Variants in SHISA9 observed in about 807,000 individuals in gnomAD.
The protein encoded by SHISA9 is protein shisa-9.
In SHISA9, 13 loss-of-function variants were observed where a neutral mutation model predicts 38.0. The observed-to-expected ratio is 0.34, with a 90% confidence interval of 0.22 to 0.54. The LOEUF (loss-of-function observed/expected upper bound fraction) is 0.54, where lower values mean the gene tolerates loss of function less well. SHISA9 is among the 20% of genes least tolerant of loss of function. The pLI is 0.91. For synonymous variants in SHISA9, 275 were observed against 242.0 expected (o/e 1.14, Z -1.27); for missense variants, 538 against 575.8 (o/e 0.93, Z 0.67).
the SHISA9 span, among the ~76,000 whole-genome samples, chr16:13,290,721 A>G: frequency 6.6e-6 from 1 of 152,070 alleles, no homozygotes; most frequent in African/African-American, 2.4e-5. Context: ...TTGGGCTCCT[A>G]CTGTGATAAA....
chr16:13,537,977 A>C, the SHISA9 span, among the ~76,000 whole-genome samples: 18 of 152,318 alleles, frequency 1.2e-4, no homozygotes, highest in Admixed American at 6.5e-4. Context: ...TTTTGTATTT[A>C]ATTTTGATGA....
At chr16:13,343,175 G>A in the SHISA9 span, among the ~76,000 whole-genome samples, 1 of 152,118 alleles carries the variant, frequency 6.6e-6, no homozygotes, top group Non-Finnish European at 1.5e-5. Context: ...AGTCAATAGA[G>A]AAACTGGAAA....
chr16:13,249,539 C>T, the SHISA9 span, among the ~76,000 whole-genome samples: 27 of 152,284 alleles, frequency 1.8e-4, no homozygotes, highest in Middle Eastern at 0.01. Context: ...ATGAATCAGG[C>T]ACAGGTCCTG....
the SHISA9 span, among the ~76,000 whole-genome samples, chr16:13,354,060 G>C: frequency 2.0e-5 from 3 of 147,674 alleles, no homozygotes; most frequent in Admixed American, 2.0e-4. Flanking sequence ...TTAGTTATCT[G>C]ACTCAGGGCA....
At chr16:13,379,006 A>G in the SHISA9 span, among the ~76,000 whole-genome samples, 1 of 152,280 alleles carries the variant, frequency 6.6e-6, no homozygotes, top group East Asian at 1.9e-4. Context: ...GTGAGCTTTA[A>G]GTTTCACCAC....
the SHISA9 span, among the ~76,000 whole-genome samples, chr16:13,365,702 G>A: frequency 2.2e-4 from 33 of 152,050 alleles, no homozygotes; most frequent in Middle Eastern, 3.4e-3. Context: ...CAAGTGATCC[G>A]CCTGCCTTGG....
chr16:13,364,131 G>A, the SHISA9 span, among the ~76,000 whole-genome samples: 1 of 152,228 alleles, frequency 6.6e-6, no homozygotes, highest in South Asian at 2.1e-4. Context: ...CTCTTTAAAT[G>A]TATGTGTCAT....
rs527358249 is a variant in SHISA9, at chr16:12,942,565, C to T, written c.691+25750C>T. Among the ~76,000 whole-genome samples, 8 of 152,322 alleles carry T rather than the reference C, an allele frequency of 5.3e-5. 1 individual carries two copies. Among genetic ancestry groups the T allele is most frequent in the Non-Finnish European group, 7.3e-5 (5 of 68,034 alleles). On this transcript the variant is annotated intron_variant, in intron 2 of 4. Coordinates refer to ENST00000558583, the MANE Select transcript of SHISA9 (RefSeq NM_001145204.3). ...ATGAAGACAGCATCCTCCATATCTC[C>T]CAGTAGTTCCTTGTATAATGCCTAT...
chr16:13,223,414 GA>G (rs1438849456), intron 4 of SHISA9, among the ~76,000 whole-genome samples: 6 of 152,210 alleles, frequency 3.9e-5, no homozygotes, highest in African/African-American at 1.4e-4. Flanking sequence ...CTGGGTGACA[GA>G]GTGAGATGTG....
At chr16:13,222,550 A>G (rs375661681) in intron 4 of SHISA9, among the ~76,000 whole-genome samples, 1 of 152,146 alleles carries the variant, frequency 6.6e-6, no homozygotes, top group Admixed American at 6.5e-5. Context: ...TATCAGTCTC[A>G]TGGCCAAATG....
chr16:13,476,141 C>T, the SHISA9 span, among the ~76,000 whole-genome samples: 1 of 152,120 alleles, frequency 6.6e-6, no homozygotes, highest in Non-Finnish European at 1.5e-5. Context: ...CCCTTCTGGT[C>T]TTAAAGCTTG....
At chr16:13,451,708 G>A in the SHISA9 span, among the ~76,000 whole-genome samples, 1,849 of 152,322 alleles carry the variant, frequency 0.012, 18 homozygotes, top group Non-Finnish European at 0.019. Flanking sequence ...GCTCTCAAAG[G>A]AGGACAGCAT....
chr16:13,414,100 T>C, the SHISA9 span, among the ~76,000 whole-genome samples: 6 of 152,200 alleles, frequency 3.9e-5, no homozygotes, highest in African/African-American at 2.4e-5. Flanking sequence ...ATTTTGCTTT[T>C]TCATGGTTGG....
At chr16:13,189,576 T>C (rs2050862694) in intron 2 of SHISA9, among the ~76,000 whole-genome samples, 1 of 152,204 alleles carries the variant, frequency 6.6e-6, no homozygotes, top group African/African-American at 2.4e-5. Flanking sequence ...ATTTGGCCTT[T>C]CTGAGTACAC....
intron 1 of SHISA9, among the ~76,000 whole-genome samples, chr16:12,904,466 A>G (rs1472703849): frequency 6.6e-6 from 1 of 152,088 alleles, no homozygotes; most frequent in Non-Finnish European, 1.5e-5. Flanking sequence ...CGTTCTGGTG[A>G]CAGCTCTCTA....
At chr16:13,361,190 A>T in the SHISA9 span, among the ~76,000 whole-genome samples, 3 of 152,074 alleles carry the variant, frequency 2.0e-5, no homozygotes, top group East Asian at 3.9e-4. Context: ...TTTCTTCTCT[A>T]TCTCTCTGTC....
intron 2 of SHISA9, among the ~76,000 whole-genome samples, chr16:13,071,725 C>T (rs2073520956): frequency 6.6e-6 from 1 of 152,044 alleles, no homozygotes; most frequent in Admixed American, 6.6e-5. Flanking sequence ...GCAACCTCCA[C>T]CTCCCAGACT....
intron 2 of SHISA9, among the ~76,000 whole-genome samples, chr16:13,079,907 G>C (rs2073627738): frequency 6.6e-6 from 1 of 152,116 alleles, no homozygotes; most frequent in Non-Finnish European, 1.5e-5. Flanking sequence ...CCTTCTTGTG[G>C]TGTTAACACT....
intron 2 of SHISA9, among the ~76,000 whole-genome samples, chr16:13,144,858 A>C (rs1002648576): frequency 6.6e-6 from 1 of 152,192 alleles, no homozygotes; most frequent in African/African-American, 2.4e-5. Context: ...TCCTCCATCA[A>C]CTTTCACATT....
Sources: gnomAD v4.1 joint callset for allele counts (sites outside exome capture counted in the v4.1 genomes callset) on GRCh38, gnomAD v4.1.1 for gene constraint, MANE v1.5 for transcripts, NCBI Gene and HGNC (gene_info 2026-07-23, HGNC 2026-07-21) for gene names.